The following NBEA variants were observed in gnomAD, a reference collection of about 807,000 sequenced individuals.
NBEA encodes lysosomal-trafficking regulator 2.
A neutral mutation model predicts 343.4 loss-of-function variants in NBEA; 44 were observed. The observed-to-expected ratio is 0.13, with a 90% CI of 0.10 to 0.16. The LOEUF (loss-of-function observed/expected upper bound fraction) is 0.16, where lower values mean the gene tolerates loss of function less well. Among genes scored for constraint, NBEA ranks in the 10% least tolerant of loss-of-function variants. NBEA has a pLI of 1.00. For missense variants in NBEA, 2,555 were observed against 3,631.3 expected (o/e 0.70, Z 7.62); for synonymous variants, 1,175 against 1,238.7 (o/e 0.95, Z 1.08).
At chr13:35,163,447 A>C (rs932105191) in intron 23 of NBEA, among the ~76,000 whole-genome samples, 2 of 151,888 alleles carry the variant, frequency 1.3e-5, no homozygotes, top group Non-Finnish European at 2.9e-5. Context: ...GGAGCTCAGG[A>C]GTTCGAGACC....
At chr13:34,980,626 T>A (rs1439642458) in intron 1 of NBEA, among the ~76,000 whole-genome samples, 1 of 152,098 alleles carries the variant, frequency 6.6e-6, no homozygotes, top group Non-Finnish European at 1.5e-5. Flanking sequence ...GGTACCCTTA[T>A]ATTTAATACA....
At position 35,257,005 on chromosome 13, in the gene NBEA, A is replaced by G. The variant is rs139518389; in HGVS notation, c.5776+24386A>G. Among the ~76,000 whole-genome samples the G allele has an allele frequency of 4.6e-3, 696 of 152,290 alleles. 5 individuals carry two copies. The highest frequency in any genetic ancestry group is 0.016 in the African/African-American group (651 of 41,574). ...ACCTGTTCCAGCCCCCACCTAGTCC[A>G]TGCAGCCCACAGCCCTGGCCATGCC... is the stretch of plus-strand genomic sequence containing the variant. On this transcript the variant is annotated intron_variant, in intron 34 of 58. Transcript: ENST00000379939.
chr13:35,464,590 G>T lies in NBEA; in HGVS notation c.6449-7810G>T, dbSNP rs144334147. 2.9e-3 allele frequency among the ~76,000 whole-genome samples: 448 copies of T among 152,156 alleles called. 1 individual carries two copies. The highest frequency in any genetic ancestry group is 0.01 in the African/African-American group (419 of 41,496). On this transcript the variant is annotated intron_variant, in intron 40 of 58. Transcript: ENST00000379939. ...GTATATAACAAATACCCTGACTTTC[G>T]AATCAGATCACCAATTTTGAATCCT... is the stretch of plus-strand genomic sequence containing the variant.
intron 41 of NBEA, among the ~76,000 whole-genome samples, chr13:35,490,790 C>T (rs753617420): frequency 6.6e-6 from 1 of 151,884 alleles, no homozygotes; most frequent in Non-Finnish European, 1.5e-5. Flanking sequence ...AACTTCTGGC[C>T]TCATTTCATT....
At position 34,942,714 on chromosome 13, in the gene NBEA, A is replaced by C; in HGVS notation, c.-107A>C. 3.2e-5 allele frequency: 27 copies of C among 833,822 alleles called. No individual in the cohort carries two copies. The highest frequency in any genetic ancestry group is 5.3e-5 in the South Asian group (1 of 18,776). 51.7% of individuals were successfully genotyped at this position (833,822 alleles called of 1,614,324 possible). A position where few individuals can be genotyped will look rare whatever the true frequency, so the allele number is the denominator to read the frequency against. On this transcript the variant is annotated 5_prime_UTR_variant, in exon 1 of 59. An upstream start codon of the reference 5' UTR is lost. Transcript: ENST00000379939. Reference sequence around the variant, plus strand: ...GGGCCCGGCGCCGCGGCGCTGGTGGATGCTGGGGCTCCGAGGCGACGGCCG... The same window carrying C: ...GGGCCCGGCGCCGCGGCGCTGGTGGCTGCTGGGGCTCCGAGGCGACGGCCG...
At chr13:35,298,600 A>T (rs1353545118) in intron 35 of NBEA, among the ~76,000 whole-genome samples, 1 of 151,982 alleles carries the variant, frequency 6.6e-6, no homozygotes, top group Non-Finnish European at 1.5e-5. Context: ...CTCTTTAAAA[A>T]TATCTTGTAA....
At position 35,670,985 on chromosome 13, in the gene NBEA, A is replaced by G. The variant is rs1397252318; in HGVS notation, c.8898A>G (p.Arg2966=). Residue 2966 remains arginine, a synonymous_variant, in exon 59 of 59, where the codon AGA becomes AGG. Transcript: ENST00000379939. ...FNRWHYEHQN[R]Y ...GGTGGCATTATGAGCATCAGAACAG[A>G]TACTGAAGATAAAGGAAGAACCAAA... 2 of 1,570,546 alleles carry G rather than the reference A, an allele frequency of 1.3e-6. No individual in the cohort carries two copies. The highest frequency in any genetic ancestry group is 1.7e-6 in the Non-Finnish European group (2 of 1,155,834).
chr13:35,216,912 C>T (rs921166567), intron 33 of NBEA, among the ~76,000 whole-genome samples: 5 of 151,800 alleles, frequency 3.3e-5, no homozygotes, highest in Admixed American at 2.6e-4. Context: ...GGGATAAGTA[C>T]CCAAGAGTGA....
At chr13:35,320,197 CT>C (rs1173317422) in intron 36 of NBEA, among the ~76,000 whole-genome samples, 1 of 152,156 alleles carries the variant, frequency 6.6e-6, no homozygotes, top group Non-Finnish European at 1.5e-5. Flanking sequence ...TGTCGATGGA[CT>C]TTACAATTTG....
intron 38 of NBEA, among the ~76,000 whole-genome samples, chr13:35,379,886 T>A (rs1454673082): frequency 1.3e-5 from 2 of 152,282 alleles, no homozygotes; most frequent in East Asian, 3.9e-4. Context: ...TATAAATAGA[T>A]CTTTATACCT....
chr13:35,080,484 T>C (rs2064336659), intron 10 of NBEA, among the ~76,000 whole-genome samples: 2 of 152,188 alleles, frequency 1.3e-5, no homozygotes, highest in Admixed American at 6.6e-5. Flanking sequence ...ATGTAATTTC[T>C]AGATATTCTT....
intron 11 of NBEA, among the ~76,000 whole-genome samples, chr13:35,108,076 A>G (rs1433008084): frequency 6.6e-6 from 1 of 152,110 alleles, no homozygotes; most frequent in Non-Finnish European, 1.5e-5. Context: ...ATGTAGCTAA[A>G]TCATATGGGA....
intron 57 of NBEA, 140 bp downstream of exon 57, chr13:35,667,710 G>A (rs1020866747): frequency 5.2e-5 from 40 of 776,120 alleles, no homozygotes; most frequent in South Asian, 3.2e-4. Context: ...AACTTCTTGC[G>A]GACTGGTACT....
At chr13:35,057,893 T>C (rs1409352621) in intron 7 of NBEA, among the ~76,000 whole-genome samples, 1 of 152,204 alleles carries the variant, frequency 6.6e-6, no homozygotes, top group Non-Finnish European at 1.5e-5. Context: ...GACGACAATT[T>C]TTTTTGCCTT....
At chr13:35,022,832 C>G (rs560076387) in intron 1 of NBEA, among the ~76,000 whole-genome samples, 30 of 152,168 alleles carry the variant, frequency 2.0e-4, no homozygotes, top group African/African-American at 7.0e-4. Flanking sequence ...TTAAATGAGG[C>G]TATACACATA....
rs774498783 is a variant in NBEA, at chr13:34,943,137, A to G, written c.294+23A>G. 5.8e-5 allele frequency: 93 copies of G among 1,611,232 alleles called. No homozygotes were observed. In the South Asian group the frequency reaches 7.7e-4, roughly 13 times the overall value. ...CTGGTAAGGAAAAGGCGTGCTCTCA[A>G]TCTGCTTCCCCAGTCCCCACATACA... is the stretch of plus-strand genomic sequence containing the variant. On this transcript the variant is annotated intron_variant, in intron 1 of 58. Coordinates refer to ENST00000379939, the MANE Select transcript of NBEA (RefSeq NM_001385012.1).
intron 34 of NBEA, among the ~76,000 whole-genome samples, chr13:35,233,132 T>G (rs562689071): frequency 1.7e-4 from 26 of 152,230 alleles, no homozygotes; most frequent in African/African-American, 3.6e-4. Flanking sequence ...GGAGAAAAAT[T>G]TACAAGGAGA....
chr13:35,621,294 G>A (rs976585684), intron 48 of NBEA, among the ~76,000 whole-genome samples: 11 of 152,108 alleles, frequency 7.2e-5, no homozygotes, highest in Non-Finnish European at 1.2e-4. Flanking sequence ...CACATAACAG[G>A]TGCTCCATGT....
At chr13:35,152,833 A>C (rs888138674) in intron 18 of NBEA, among the ~76,000 whole-genome samples, 1 of 152,000 alleles carries the variant, frequency 6.6e-6, no homozygotes, top group Admixed American at 6.6e-5. Context: ...ATTGGTTTTC[A>C]TGTCCATATC....
Sources: gnomAD v4.1 joint callset for allele counts (sites outside exome capture counted in the v4.1 genomes callset) on GRCh38, gnomAD v4.1.1 for gene constraint, MANE v1.5 for transcripts, NCBI Gene and HGNC (gene_info 2026-07-23, HGNC 2026-07-21) for gene names.